The following IGSF11 variants were observed in gnomAD, a reference collection of about 807,000 sequenced individuals.
IGSF11 encodes CXADR like 1.
IGSF11 carries 22 observed loss-of-function variants against 41.0 expected under a neutral mutation model. The observed-to-expected ratio is 0.54, with a 90% CI of 0.38 to 0.77. The LOEUF (loss-of-function observed/expected upper bound fraction) is 0.77, where lower values mean the gene tolerates loss of function less well. IGSF11 is among the 30% of genes least tolerant of loss of function. The probability of loss-of-function intolerance (pLI) is 0.00; values close to 1 mark genes in which losing one functional copy is unlikely to be tolerated. For missense variants in IGSF11, 444 were observed against 530.8 expected, an observed-to-expected ratio of 0.84 and a Z score of 1.61; for synonymous variants, 219 against 201.3, an observed-to-expected ratio of 1.09 and a Z score of -0.74.
chr3:119,135,121 C>T (rs1440528614), intron 1 of IGSF11, among the ~76,000 whole-genome samples: 1 of 152,204 alleles, frequency 6.6e-6, no homozygotes, highest in Admixed American at 6.5e-5. Flanking sequence ...AGAAGAAAAC[C>T]TAGGCAATAC....
At chr3:118,993,586 CA>C (rs1935991330) in intron 1 of IGSF11, among the ~76,000 whole-genome samples, 1 of 151,854 alleles carries the variant, frequency 6.6e-6, no homozygotes, top group South Asian at 2.1e-4. Context: ...GCATGATAGC[CA>C]AAAAGTAGCA....
chr3:118,935,301 CATATATATATAT>C (rs10575505), intron 1 of IGSF11, among the ~76,000 whole-genome samples: 1 of 122,244 alleles, frequency 8.2e-6, no homozygotes, highest in East Asian at 2.4e-4. Context: ...GGTGTATATA[CATATATATATAT>C]ATATATGTAT....
At chr3:118,920,406 A>T in intron 4 of IGSF11, among the ~76,000 whole-genome samples, 1 of 151,986 alleles carries the variant, frequency 6.6e-6, no homozygotes, top group Non-Finnish European at 1.5e-5. Context: ...AACCATACCC[A>T]TAATCAATGA....
At position 118,987,252 on chromosome 3, in the gene IGSF11, A is replaced by AT. The variant is rs570837430; in HGVS notation, c.52+47278dup. ...TGCCTAACTAGAAAAGTGAGGCCAGATAAGTGTGAGGGTTATTTCTTGTGT... is the reference window on the plus strand; with the variant it reads ...TGCCTAACTAGAAAAGTGAGGCCAGATTAAGTGTGAGGGTTATTTCTTGTGT... On this transcript the variant is annotated intron_variant, in intron 1 of 6. Transcript: ENST00000393775. 3.9e-5 allele frequency among the ~76,000 whole-genome samples: 6 copies of AT among 152,370 alleles called. No individual in the cohort carries two copies. In the East Asian group the frequency reaches 5.8e-4, roughly 15 times the overall value.
In IGSF11 at chr3:118,941,808, T is replaced by C. The variant is rs77640309; in HGVS notation, c.53-11533A>G. ...ATGAACAAAAAAAACCTCAAACTTC[T>C]GATATATGCAAAATGACTAAATGTT... On this transcript the variant is annotated intron_variant, in intron 1 of 6. Transcript: ENST00000393775. 2.6e-5 allele frequency among the ~76,000 whole-genome samples: 4 copies of C among 152,312 alleles called. No individual in the cohort carries two copies. In the East Asian group the frequency reaches 5.8e-4, roughly 22 times the overall value.
intron 1 of IGSF11, among the ~76,000 whole-genome samples, chr3:119,005,976 C>A (rs1005274298): frequency 1.5e-5 from 2 of 132,822 alleles, no homozygotes; most frequent in Admixed American, 7.6e-5. Flanking sequence ...ATCTTTGTGG[C>A]GTTCTCTGTA....
intron 1 of IGSF11, among the ~76,000 whole-genome samples, chr3:119,133,887 T>C (rs2077519275): frequency 6.6e-6 from 1 of 152,188 alleles, no homozygotes; most frequent in Non-Finnish European, 1.5e-5. Flanking sequence ...TCAAGTTGGC[T>C]TCACCCCTGG....
rs548199557 is a variant in IGSF11 at position 118,914,404 on chromosome 3, G to A, written c.581-8686C>T. 3.8e-4 allele frequency among the ~76,000 whole-genome samples: 58 copies of A among 151,630 alleles called. No individual in the cohort carries two copies. In the East Asian group the frequency reaches 7.8e-3, roughly 21 times the overall value. On this transcript the variant is annotated intron_variant, in intron 4 of 6. Transcript: ENST00000393775. ...GCGCAGGCCAGTGGGTGCGCGCACC[G>A]TGTGCGAGCCGAAGCAGGGCGAGGC...
intron 1 of IGSF11, among the ~76,000 whole-genome samples, chr3:119,009,570 G>A (rs2107690898): frequency 6.6e-6 from 1 of 152,210 alleles, no homozygotes; most frequent in East Asian, 1.9e-4. Context: ...ATGACTATAA[G>A]TTTCCTGAGG....
At chr3:118,997,866 TAATGTAC>T (rs2107663772) in intron 1 of IGSF11, among the ~76,000 whole-genome samples, 1 of 152,176 alleles carries the variant, frequency 6.6e-6, no homozygotes, top group East Asian at 1.9e-4. Context: ...ATATTTAATA[TAATGTAC>T]TGTTCATGGC....
intron 1 of IGSF11, among the ~76,000 whole-genome samples, chr3:119,082,441 T>G (rs1424047151): frequency 1.3e-5 from 2 of 152,148 alleles, no homozygotes; most frequent in Non-Finnish European, 2.9e-5. Context: ...AGCAGAACTA[T>G]TACAGGTTCT....
chr3:118,953,618 G>A (rs142636218), intron 1 of IGSF11, among the ~76,000 whole-genome samples: 95 of 151,970 alleles, frequency 6.3e-4, no homozygotes, highest in Non-Finnish European at 1.5e-4. Flanking sequence ...ACATGGTATC[G>A]CATTGTGGTA....
At chr3:119,026,289 G>T (rs1939817438) in intron 1 of IGSF11, among the ~76,000 whole-genome samples, 1 of 152,024 alleles carries the variant, frequency 6.6e-6, no homozygotes, top group South Asian at 2.1e-4. Context: ...ATATAGCACA[G>T]ATTTATTGTC....
chr3:119,046,303 G>A (rs1941350048), intron 1 of IGSF11, among the ~76,000 whole-genome samples: 2 of 151,720 alleles, frequency 1.3e-5, no homozygotes, highest in Admixed American at 1.3e-4. Flanking sequence ...GCTTAAAGGA[G>A]CTGATGGAGC....
intron 1 of IGSF11, among the ~76,000 whole-genome samples, chr3:119,045,550 G>T: frequency 6.6e-6 from 1 of 152,148 alleles, no homozygotes. Flanking sequence ...ACTGCAAGGC[G>T]GCAGTGAGGC....
At chr3:118,982,260 C>T (rs908997101) in intron 1 of IGSF11, among the ~76,000 whole-genome samples, 2 of 152,174 alleles carry the variant, frequency 1.3e-5, no homozygotes, top group African/African-American at 4.8e-5. Flanking sequence ...TTTCTAGCAA[C>T]TCTCCAGAGA....
chr3:119,015,158 T>A (rs979351482), intron 1 of IGSF11, among the ~76,000 whole-genome samples: 2 of 152,140 alleles, frequency 1.3e-5, no homozygotes, highest in Non-Finnish European at 2.9e-5. Context: ...TATAAAACTA[T>A]CTCCGGAAAT....
At chr3:119,004,786 T>G (rs996944681) in intron 1 of IGSF11, among the ~76,000 whole-genome samples, 1 of 151,442 alleles carries the variant, frequency 6.6e-6, no homozygotes, top group Non-Finnish European at 1.5e-5. Context: ...AGTGAGATTC[T>G]TAATCCTGAG....
At chr3:119,046,539 G>C (rs1071403) in intron 1 of IGSF11, among the ~76,000 whole-genome samples, 3,094 of 151,296 alleles carry the variant, frequency 0.02, 49 homozygotes, top group Middle Eastern at 0.055. Context: ...GAAAGTGATG[G>C]GGAGAATGGA....
Sources: gnomAD v4.1 joint callset for allele counts (sites outside exome capture counted in the v4.1 genomes callset) on GRCh38, gnomAD v4.1.1 for gene constraint, MANE v1.5 for transcripts, NCBI Gene and HGNC (gene_info 2026-07-23, HGNC 2026-07-21) for gene names.